The following ZNF541 variants were observed in gnomAD, a reference collection of about 807,000 sequenced individuals.
ZNF541 encodes zinc finger protein 541.
A neutral mutation model predicts 123.5 loss-of-function variants in ZNF541; 23 were observed. That is an observed-to-expected ratio of 0.19 (90% CI 0.13 to 0.26). ZNF541 has a LOEUF of 0.26. ZNF541 is among the 10% of genes least tolerant of loss of function. The pLI, the probability that ZNF541 is intolerant of heterozygous loss-of-function variation, is 1.00. For synonymous variants in ZNF541, 751 were observed against 754.5 expected (o/e 1.00, Z 0.08); for missense variants, 1,612 against 1,789.9 (o/e 0.90, Z 1.79).
chr19:47,562,310 C>T (rs919193851), intron 2 of ZNF541, among the ~76,000 whole-genome samples: 2 of 151,010 alleles, frequency 1.3e-5, no homozygotes, highest in African/African-American at 2.4e-5. Context: ...TTGGGAGGTC[C>T]GGGAGGGCGG....
chr19:47,534,600 A>C (rs925690624), intron 9 of ZNF541, among the ~76,000 whole-genome samples: 2 of 151,704 alleles, frequency 1.3e-5, no homozygotes, highest in Admixed American at 1.3e-4. Context: ...AGCCGAGATC[A>C]TGCCACTGCA....
At chr19:47,529,244 T>C (rs1969450589) in intron 13 of ZNF541, among the ~76,000 whole-genome samples, 1 of 152,210 alleles carries the variant, frequency 6.6e-6, no homozygotes, top group East Asian at 1.9e-4. Flanking sequence ...CTTCAGTCGC[T>C]TGCTAAAGGC....
At chr19:47,543,600 G>A (rs1343217689) in intron 5 of ZNF541, among the ~76,000 whole-genome samples, 1 of 149,958 alleles carries the variant, frequency 6.7e-6, no homozygotes, top group Non-Finnish European at 1.5e-5. Flanking sequence ...GGCTTTGTGA[G>A]ATAACAGTGT....
chr19:47,550,572 G>T (rs889432155), intron 3 of ZNF541, among the ~76,000 whole-genome samples: 1 of 152,096 alleles, frequency 6.6e-6, no homozygotes, highest in South Asian at 2.1e-4. Flanking sequence ...ATATAGTTAT[G>T]AATCACATCA....
At chr19:47,570,448 G>C in intron 2 of ZNF541, among the ~76,000 whole-genome samples, 1 of 151,450 alleles carries the variant, frequency 6.6e-6, no homozygotes, top group Non-Finnish European at 1.5e-5. Context: ...ATGGTGGTGG[G>C]CACCTGTAAT....
chr19:47,567,299 C>T (rs1411830657), intron 2 of ZNF541, among the ~76,000 whole-genome samples: 1 of 151,786 alleles, frequency 6.6e-6, no homozygotes, highest in African/African-American at 2.4e-5. Flanking sequence ...ACTGTGTCAC[C>T]CAGGCTGGAG....
At chr19:47,554,933 A>C (rs1393686631) in intron 3 of ZNF541, among the ~76,000 whole-genome samples, 1 of 152,000 alleles carries the variant, frequency 6.6e-6, no homozygotes, top group Non-Finnish European at 1.5e-5. Context: ...ATCTCTACTA[A>C]AAATACAAAA....
At chr19:47,550,853 T>C (rs1970569031) in intron 3 of ZNF541, among the ~76,000 whole-genome samples, 1 of 152,066 alleles carries the variant, frequency 6.6e-6, no homozygotes, top group Non-Finnish European at 1.5e-5. Flanking sequence ...GCTTGGTGAA[T>C]GAAAATTAAA....
At position 47,539,825 on chromosome 19, in the gene ZNF541, C is replaced by T. The variant is rs1969999864; in HGVS notation, c.2676G>A (p.Gly892=). 1.3e-6 allele frequency: 2 copies of T among 1,501,080 alleles called. No individual in the cohort carries two copies. The highest frequency in any genetic ancestry group is 1.8e-6 in the Non-Finnish European group (2 of 1,132,320). 93.0% of individuals were successfully genotyped at this position (1,501,080 alleles called of 1,614,324 possible). Residue 892 remains glycine (G), a synonymous_variant, in exon 8 of 17, where the codon GGG becomes GGA. Coordinates refer to ENST00000391901, the MANE Select transcript of ZNF541 (RefSeq NM_001277075.3). Reference sequence around the variant, plus strand: ...TGGTTCCTGGGGGACTATGCCTGTCCCCTTCTGGCCTCAGCACCTGTCTTA... The same window carrying T: ...TGGTTCCTGGGGGACTATGCCTGTCTCCTTCTGGCCTCAGCACCTGTCTTA... ...KPLRQVLRPE[G]DRHSPPGTKK...
chr19:47,528,956 G>C lies in ZNF541; in HGVS notation c.3564C>G (p.His1188Gln). 1.9e-6 allele frequency: 3 copies of C among 1,551,096 alleles called. No homozygotes were observed. Among genetic ancestry groups the C allele is most frequent in the Non-Finnish European group, 2.6e-6 (3 of 1,146,506 alleles). The change falls in exon 14 of 17, where the codon CAC becomes CAG. Residue 1188 changes from histidine (H) to glutamine (Q), a missense_variant. By Grantham distance (24) the His-to-Gln change is conservative (BLOSUM62 0). Coordinates refer to ENST00000391901, the MANE Select transcript of ZNF541 (RefSeq NM_001277075.3). ...YAHKKDFYLI[H>Q]KMIQTKTVAQ... The stretch of plus-strand genomic sequence containing the variant: ...CAGCCCACATTCACTTTACCATCTT[G>C]TGTATCAAGTAGAAGTCCTTCTTGT...
At position 47,545,550 on chromosome 19, in the gene ZNF541, G is replaced by A. The variant is rs1464462116; in HGVS notation, c.979C>T (p.Pro327Ser). 2.0e-6 allele frequency: 3 copies of A among 1,536,152 alleles called. No homozygotes were observed. Among genetic ancestry groups the A allele is most frequent in the South Asian group, 1.2e-5 (1 of 82,252 alleles). ...GGAAGCTCGGTGTCCAGCGCTGCTG[G>A]GGCCGCGTGGGGGCCGGCTGGGGTG... ...SCTPAGPHAA[P>S]AALDTELPEE... The change falls in exon 5 of 17, where the codon CCA becomes TCA. Residue 327 changes from proline (P) to serine (S), a missense_variant. Physicochemically the swap from Pro to Ser is moderately conservative, Grantham distance 74 (BLOSUM62 -1). Transcript: ENST00000391901. The surrounding 1 kb of genome is among the most constrained non-coding windows in gnomAD (Gnocchi z 7.5).
Position 47,560,477 on chromosome 19 carries a change from G to C in ZNF541, c.-98-4523C>G, listed in dbSNP as rs543446041. Among the ~76,000 whole-genome samples, 14 of 151,392 alleles carry C rather than the reference G, an allele frequency of 9.2e-5. No homozygotes were observed. In the East Asian group the frequency reaches 2.7e-3, roughly 30 times the overall value. On this transcript the variant is annotated intron_variant, in intron 2 of 16. Coordinates refer to ENST00000391901, the MANE Select transcript of ZNF541 (RefSeq NM_001277075.3). ...TGTAATCCCAGCTGCTTGGGAGGCT[G>C]AGGCAGGAGAATCACTTGAATGTGG...
chr19:47,562,372 C>T (rs1599737248), intron 2 of ZNF541, among the ~76,000 whole-genome samples: 1 of 151,880 alleles, frequency 6.6e-6, no homozygotes, highest in Non-Finnish European at 1.5e-5. Flanking sequence ...GGTGAAACGC[C>T]ATCTCTACTA....
rs1278171385 is a variant in ZNF541, at chr19:47,555,777, AGCCCTTGGCTCTC to A, written c.67_79del (p.Glu23SerfsTer23). ...CCGGTTGAGGGTGTCGCTGCAGTTGAGCCCTTGGCTCTCTGAAAATGAAGGGAGGTGCATTTCT... is the reference window on the plus strand; with the variant it reads ...CCGGTTGAGGGTGTCGCTGCAGTTGATGAAAATGAAGGGAGGTGCATTTCT... On this transcript the variant is annotated frameshift_variant, in exon 3 of 17. Coordinates refer to ENST00000391901, the MANE Select transcript of ZNF541 (RefSeq NM_001277075.3). LOFTEE classifies it high-confidence loss of function. 2.6e-6 allele frequency: 4 copies of A among 1,551,654 alleles called. No individual in the cohort carries two copies. In the East Asian group the frequency reaches 9.8e-5, roughly 38 times the overall value.
intron 8 of ZNF541, among the ~76,000 whole-genome samples, chr19:47,538,721 A>C (rs937499739): frequency 6.6e-6 from 1 of 152,078 alleles, no homozygotes; most frequent in African/African-American, 2.4e-5. Context: ...AAAAAGAGAG[A>C]GATCCCCAGA....
At chr19:47,527,385 G>T (rs1361708204) in intron 14 of ZNF541, among the ~76,000 whole-genome samples, 1 of 152,024 alleles carries the variant, frequency 6.6e-6, no homozygotes, top group Non-Finnish European at 1.5e-5. Context: ...TATATGCAGT[G>T]AGATCTCATC....
In ZNF541 at chr19:47,549,345, T is replaced by C. The variant is rs1204617160; in HGVS notation, c.448A>G (p.Ser150Gly). 1.3e-6 allele frequency: 2 copies of C among 1,551,794 alleles called. No homozygotes were observed. The highest frequency in any genetic ancestry group is 1.2e-5 in the South Asian group (1 of 84,060). Reference protein sequence around the residue: ...LDCSLCGKVFSSASSLSKHYL... With the variant: ...LDCSLCGKVFGSASSLSKHYL... ...TGCTTGCTCAGAGAACTGGCGCTGCTGAACACCTTCCCGCACAGGCTGCAG... is the reference window on the plus strand; with the variant it reads ...TGCTTGCTCAGAGAACTGGCGCTGCCGAACACCTTCCCGCACAGGCTGCAG... The change falls in exon 4 of 17, where the codon AGC becomes GGC. Residue 150 changes from serine to glycine, a missense_variant. Transcript: ENST00000391901.
chr19:47,540,010 T>C, intron 7 of ZNF541, 132 bp from the exon 8 acceptor site: 1 of 1,439,464 alleles, frequency 6.9e-7, no homozygotes, highest in Admixed American at 2.7e-5. Context: ...GGAGAGCTGC[T>C]GCAGCCCATG....
chr19:47,538,218 G>A lies in ZNF541; in HGVS notation c.3018C>T (p.Gly1006=). ...PPPMLSPIRE[G]SGVYFNTLCS... ...AGAGGGTGTTGAAGTACACCCCAGA[G>A]CCCTCCCGGATGGGGCTGAGCATTG... Residue 1006 remains glycine (G), a synonymous_variant, in exon 9 of 17, where the codon GGC becomes GGT. Coordinates refer to ENST00000391901, the MANE Select transcript of ZNF541 (RefSeq NM_001277075.3). 1 of 1,551,642 alleles carries A rather than the reference G, an allele frequency of 6.4e-7. No individual in the cohort carries two copies. The highest frequency in any genetic ancestry group is 1.2e-5 in the South Asian group (1 of 84,062).
Sources: gnomAD v4.1 joint callset for allele counts (sites outside exome capture counted in the v4.1 genomes callset) on GRCh38, gnomAD v4.1.1 for gene constraint, Gnocchi (gnomAD v3.1) non-coding constraint, MANE v1.5 for transcripts, NCBI Gene and HGNC (gene_info 2026-07-23, HGNC 2026-07-21) for gene names.